Variants in COL4A5 observed in about 807,000 individuals in gnomAD.
COL4A5 encodes collagen type IV alpha 5 chain.
Under a neutral mutation model 130.2 loss-of-function variants are expected in COL4A5, and 26 were observed. The observed-to-expected ratio is 0.20, with a 90% CI of 0.15 to 0.28. COL4A5 has a LOEUF of 0.28. Among genes scored for constraint, COL4A5 ranks in the 10% least tolerant of loss-of-function variants. The pLI is 1.00. For missense variants in COL4A5, 1,131 were observed against 1,344.3 expected (o/e 0.84, Z 2.48); for synonymous variants, 496 against 439.6 (o/e 1.13, Z -1.60).
chrX:108,568,287 ACTCCCC>A (rs2066005178), intron 4 of COL4A5, among the ~76,000 whole-genome samples: 2 of 110,749 alleles, frequency 1.8e-5, no homozygotes, highest in African/African-American at 6.6e-5. Flanking sequence ...TATATTTGCC[ACTCCCC>A]CATCCCCTGC....
chrX:108,596,386 T>C (rs1410885479), intron 22 of COL4A5, among the ~76,000 whole-genome samples: 1 of 112,387 alleles, frequency 8.9e-6, no homozygotes, highest in Non-Finnish European at 1.9e-5. Context: ...ATGCTGAGCC[T>C]CACTCTCAAA....
intron 2 of COL4A5, among the ~76,000 whole-genome samples, chrX:108,552,058 G>C (rs904334075): frequency 4.5e-5 from 5 of 111,406 alleles, no homozygotes; most frequent in African/African-American, 1.6e-4. Context: ...GACTACTAGT[G>C]GGGGAAGATG....
intron 34 of COL4A5, among the ~76,000 whole-genome samples, chrX:108,624,871 T>C (rs1375947019): frequency 9.0e-6 from 1 of 111,516 alleles, no homozygotes; most frequent in Non-Finnish European, 1.9e-5. Context: ...AAACTCTTTC[T>C]TGTTTCTTCT....
At chrX:108,588,855 T>C (rs904611275) in intron 19 of COL4A5, among the ~76,000 whole-genome samples, 3 of 111,425 alleles carry the variant, frequency 2.7e-5, no homozygotes, top group Non-Finnish European at 3.8e-5. Flanking sequence ...GACAAATTAC[T>C]ATGAATTAGG....
chrX:108,492,909 A>C (rs1186486947), intron 1 of COL4A5, among the ~76,000 whole-genome samples: 1 of 110,161 alleles, frequency 9.1e-6, no homozygotes, highest in Non-Finnish European at 1.9e-5. Context: ...GTATGTATGA[A>C]CTCTTTCCCA....
intron 43 of COL4A5, 80 bp from the exon 44 acceptor site, chrX:108,677,420 G>A (rs1445036661): frequency 7.1e-6 from 7 of 982,355 alleles, no homozygotes; most frequent in Non-Finnish European, 8.5e-6. Flanking sequence ...ATAGGAAGAT[G>A]ACTGATATTT....
intron 30 of COL4A5, among the ~76,000 whole-genome samples, chrX:108,617,002 A>C (rs2066941258): frequency 9.0e-6 from 1 of 110,997 alleles, no homozygotes; most frequent in Admixed American, 9.6e-5. Flanking sequence ...TCAAGATATT[A>C]ATATGATTCA....
intron 1 of COL4A5, among the ~76,000 whole-genome samples, chrX:108,443,979 TCTTTA>T (rs1174593725): frequency 8.9e-6 from 1 of 112,031 alleles, no homozygotes; most frequent in Non-Finnish European, 1.9e-5. Context: ...AAAAACTTTC[TCTTTA>T]CGCTTAATGT....
At chrX:108,547,898 C>T (rs1950604938) in intron 2 of COL4A5, among the ~76,000 whole-genome samples, 2 of 112,004 alleles carry the variant, frequency 1.8e-5, no homozygotes, top group African/African-American at 6.5e-5. Flanking sequence ...GGGTTTAGGA[C>T]CCTCCGAGCC....
intron 4 of COL4A5, among the ~76,000 whole-genome samples, chrX:108,566,400 T>G (rs2065970585): frequency 9.0e-6 from 1 of 111,139 alleles, no homozygotes; most frequent in African/African-American, 3.3e-5. Flanking sequence ...CTTTCATAAC[T>G]TCTCCCTTTT....
rs1451536586 is a variant in COL4A5, at chrX:108,607,366, AAC to A, written c.2395+476_2395+477del. 5.5e-5 allele frequency among the ~76,000 whole-genome samples: 6 copies of A among 108,554 alleles called. 1 individual carries two copies. Among genetic ancestry groups the A allele is most frequent in the African/African-American group, 2.0e-4 (6 of 29,775 alleles). 94.3% of individuals were successfully genotyped at this position (108,554 alleles called of 115,157 possible). ...ACTTTGTCTCAAAAAAAAAAAAAAAAACAATCATATATGTTATAAAAGTAACA... is the reference window on the plus strand; with the variant it reads ...ACTTTGTCTCAAAAAAAAAAAAAAAAAATCATATATGTTATAAAAGTAACA... On this transcript the variant is annotated intron_variant, in intron 29 of 52. Transcript: ENST00000328300.
intron 1 of COL4A5, among the ~76,000 whole-genome samples, chrX:108,460,651 G>C (rs2064636951): frequency 1.1e-5 from 1 of 91,039 alleles, no homozygotes; most frequent in Non-Finnish European, 2.1e-5. Context: ...CACCACGCCT[G>C]GCAAATTTTT....
chrX:108,519,116 A>G (rs561884903), intron 1 of COL4A5, among the ~76,000 whole-genome samples: 2 of 111,520 alleles, frequency 1.8e-5, no homozygotes, highest in South Asian at 7.4e-4. Context: ...GGGAGAAATA[A>G]CAAGATTTGT....
chrX:108,580,451 G>T, intron 13 of COL4A5, 82 bp from the exon 14 acceptor site: 2 of 800,406 alleles, frequency 2.5e-6, no homozygotes, highest in Non-Finnish European at 3.8e-6. Flanking sequence ...TATTAAAAAT[G>T]CTCCTAGCTA....
chrX:108,496,454 T>A (rs927962202), intron 1 of COL4A5, among the ~76,000 whole-genome samples: 1 of 111,793 alleles, frequency 8.9e-6, no homozygotes, highest in East Asian at 2.8e-4. Context: ...TTTTTTAAAT[T>A]TATAATTTTT....
At position 108,696,427 on chromosome X, in the gene COL4A5, TAA is replaced by T. The variant is rs1262210475; in HGVS notation, c.*52_*53del. On this transcript the variant is annotated 3_prime_UTR_variant, in exon 53 of 53. Transcript: ENST00000328300. ...TTTTAAAATGTGATATATATATATA[TAA>T]AATTCCTAGGATGCAGTGTCTCATT... The T allele has an allele frequency of 4.0e-6, 4 of 994,271 alleles. No individual in the cohort carries two copies. Among genetic ancestry groups the T allele is most frequent in the African/African-American group, 1.9e-5 (1 of 52,482 alleles). 81.9% of individuals were successfully genotyped at this position (994,271 alleles called of 1,213,427 possible). A position where few individuals can be genotyped will look rare whatever the true frequency, so the allele number is the denominator to read the frequency against.
chrX:108,508,132 G>A (rs1428244775), intron 1 of COL4A5, among the ~76,000 whole-genome samples: 1 of 111,092 alleles, frequency 9.0e-6, no homozygotes, highest in East Asian at 2.8e-4. Context: ...TCTATATCTA[G>A]AAAACCCCAG....
At chrX:108,671,633 G>A (rs1468517617) in intron 42 of COL4A5, among the ~76,000 whole-genome samples, 1 of 111,758 alleles carries the variant, frequency 8.9e-6, no homozygotes, top group Non-Finnish European at 1.9e-5. Flanking sequence ...GGAGCAGAGT[G>A]AGAGGGCCAG....
intron 18 of COL4A5, among the ~76,000 whole-genome samples, chrX:108,585,697 G>A (rs2066324624): frequency 9.0e-6 from 1 of 111,237 alleles, no homozygotes; most frequent in South Asian, 3.7e-4. Context: ...TCTATAAGAA[G>A]AATTTGTTAA....
Sources: allele counts gnomAD v4.1 joint callset (sites outside exome capture counted in the v4.1 genomes callset), GRCh38; gene constraint gnomAD v4.1.1; transcripts MANE v1.5; gene names NCBI Gene and HGNC (gene_info 2026-07-23, HGNC 2026-07-21).